THSD7A: variants seen among roughly 807,000 people sequenced by gnomAD.
The protein encoded by THSD7A is thrombospondin type-1 domain-containing protein 7A.
In THSD7A, 96 loss-of-function variants were observed where a neutral mutation model predicts 231.3. The ratio of observed to expected loss-of-function variants is 0.41; its 90% CI spans 0.35 to 0.49. The LOEUF is 0.49. Ranked by LOEUF, THSD7A falls within the 20% of genes least tolerant of loss-of-function variation. The pLI, the probability that THSD7A is intolerant of heterozygous loss-of-function variation, is 0.05. For synonymous variants in THSD7A, 940 were observed against 743.3 expected (o/e 1.26, Z -4.30); for missense variants, 2,290 against 2,070.2 (o/e 1.11, Z -2.06).
chr7:11,726,484 C>T (rs1174322724), intron 1 of THSD7A, among the ~76,000 whole-genome samples: 1 of 151,972 alleles, frequency 6.6e-6, no homozygotes, highest in Non-Finnish European at 1.5e-5. Flanking sequence ...CCCTTTTGCC[C>T]ACTTTTTGGT....
rs1053937649 is a variant in THSD7A, at chr7:11,604,244, A to G, written c.1023-10742T>C. ...ACTGATGAAGAAACTGAGTACAAGG[A>G]GGTTAAAGAGTTTTCCCAAGGTCTT... is the stretch of plus-strand genomic sequence containing the variant. On this transcript the variant is annotated intron_variant, in intron 2 of 27. Transcript: ENST00000423059. Among the ~76,000 whole-genome samples, 7 of 152,246 alleles carry G rather than the reference A, an allele frequency of 4.6e-5. No individual in the cohort carries two copies. The South Asian group carries it at 1.2e-3, about 27-fold the overall frequency.
rs1390666505 is a variant in THSD7A at position 11,831,189 on chromosome 7, T to G, written c.190+568A>C. On this transcript the variant is annotated intron_variant, in intron 1 of 27. Transcript: ENST00000423059. The surrounding 1 kb of genome is among the most constrained non-coding windows in gnomAD (Gnocchi z 5.0). ...CAGACATCCTAAAAGTTGTACACTT[T>G]AAAAATCCTCCGACTCGCTAGTTAA... Among the ~76,000 whole-genome samples the G allele has an allele frequency of 2.0e-5, 3 of 152,172 alleles. No homozygotes were observed. The highest frequency in any genetic ancestry group is 4.4e-5 in the Non-Finnish European group (3 of 68,024).
At chr7:11,529,111 A>G (rs62432824) in intron 6 of THSD7A, among the ~76,000 whole-genome samples, 2,835 of 152,166 alleles carry the variant, frequency 0.019, 36 homozygotes, top group Non-Finnish European at 0.027. Flanking sequence ...TTTCTAATCT[A>G]CTCTAAAATT....
intron 1 of THSD7A, among the ~76,000 whole-genome samples, chr7:11,697,919 G>A (rs781658659): frequency 2.5e-4 from 38 of 151,430 alleles, no homozygotes; most frequent in African/African-American, 4.8e-4. Context: ...GTACATTGCC[G>A]TCTTTTAATA....
chr7:11,401,012 A>G (rs907949152), intron 23 of THSD7A, among the ~76,000 whole-genome samples: 3 of 152,178 alleles, frequency 2.0e-5, no homozygotes, highest in Non-Finnish European at 4.4e-5. Flanking sequence ...ATGTGTGTAT[A>G]CGTTCACACA....
intron 9 of THSD7A, among the ~76,000 whole-genome samples, chr7:11,466,856 T>TA (rs1785727187): frequency 6.6e-6 from 1 of 151,966 alleles, no homozygotes; most frequent in African/African-American, 2.4e-5. Flanking sequence ...CATTTTTACT[T>TA]ACAGAGGTTT....
At chr7:11,419,369 G>A (rs971527920) in intron 16 of THSD7A, among the ~76,000 whole-genome samples, 11 of 152,068 alleles carry the variant, frequency 7.2e-5, no homozygotes, top group African/African-American at 2.7e-4. Context: ...TTAAAAGTGT[G>A]CGGCACTTCC....
chr7:11,426,228 G>A (rs1360697866), intron 15 of THSD7A, among the ~76,000 whole-genome samples: 1 of 152,118 alleles, frequency 6.6e-6, no homozygotes, highest in Non-Finnish European at 1.5e-5. Flanking sequence ...AAGGAGAAAT[G>A]CTCTTCTTCT....
intron 1 of THSD7A, among the ~76,000 whole-genome samples, chr7:11,727,121 A>G (rs886296819): frequency 6.6e-6 from 1 of 152,034 alleles, no homozygotes; most frequent in African/African-American, 2.4e-5. Context: ...TTTCCAGTGA[A>G]AATGTAGGCT....
intron 4 of THSD7A, among the ~76,000 whole-genome samples, chr7:11,556,812 G>A (rs1238338333): frequency 6.6e-6 from 1 of 151,862 alleles, no homozygotes; most frequent in Non-Finnish European, 1.5e-5. Context: ...TGACCTATAT[G>A]GTTTCTGGTT....
chr7:11,635,124 C>T (rs1355740672), intron 2 of THSD7A, among the ~76,000 whole-genome samples: 1 of 152,132 alleles, frequency 6.6e-6, no homozygotes, highest in African/African-American at 2.4e-5. Context: ...TCACCAGAAG[C>T]GCAGAGGTCG....
At chr7:11,772,807 G>A (rs985070060) in intron 1 of THSD7A, among the ~76,000 whole-genome samples, 2 of 152,084 alleles carry the variant, frequency 1.3e-5, no homozygotes, top group Non-Finnish European at 1.5e-5. Context: ...AACCAATTCC[G>A]GTGACATGCA....
At chr7:11,487,931 AT>A (rs139664261) in intron 6 of THSD7A, among the ~76,000 whole-genome samples, 18,921 of 151,730 alleles carry the variant, frequency 0.12, 1,397 homozygotes, top group Middle Eastern at 0.19. Flanking sequence ...AGTTATCCTG[AT>A]TTTTTTTTAA....
intron 23 of THSD7A, among the ~76,000 whole-genome samples, chr7:11,390,398 T>C (rs1179171105): frequency 6.6e-6 from 1 of 152,252 alleles, no homozygotes; most frequent in African/African-American, 2.4e-5. Flanking sequence ...TTGATTTGGC[T>C]ATTGATACTT....
chr7:11,800,473 C>T (rs1019753791), intron 1 of THSD7A, among the ~76,000 whole-genome samples: 1 of 152,018 alleles, frequency 6.6e-6, no homozygotes, highest in Non-Finnish European at 1.5e-5. Context: ...CGGTTGAACT[C>T]GGGAGGCAGA....
At chr7:11,810,863 A>G (rs183872049) in intron 1 of THSD7A, among the ~76,000 whole-genome samples, 206 of 152,308 alleles carry the variant, frequency 1.4e-3, no homozygotes, top group African/African-American at 4.8e-3. Context: ...AAAAATTTTG[A>G]AACATTTAAA....
intron 23 of THSD7A, among the ~76,000 whole-genome samples, chr7:11,398,180 T>C (rs543061371): frequency 7.9e-5 from 12 of 151,402 alleles, no homozygotes; most frequent in African/African-American, 2.9e-4. Context: ...ATGTGGCACG[T>C]ATACACCATG....
intron 1 of THSD7A, among the ~76,000 whole-genome samples, chr7:11,711,449 T>C (rs1415436210): frequency 1.3e-5 from 2 of 151,142 alleles, no homozygotes; most frequent in African/African-American, 4.8e-5. Context: ...ATTGATCTGC[T>C]GACGAATTAA....
At chr7:11,554,542 T>A (rs1789765794) in intron 4 of THSD7A, among the ~76,000 whole-genome samples, 1 of 152,084 alleles carries the variant, frequency 6.6e-6, no homozygotes, top group African/African-American at 2.4e-5. Context: ...TTAAATAGCT[T>A]TTGCTGTATT....
Sources: allele counts gnomAD v4.1 joint callset (sites outside exome capture counted in the v4.1 genomes callset), GRCh38; gene constraint gnomAD v4.1.1; non-coding constraint Gnocchi (gnomAD v3.1); transcripts MANE v1.5; gene names NCBI Gene and HGNC (gene_info 2026-07-23, HGNC 2026-07-21).